STON2: variants seen among roughly 807,000 people sequenced by gnomAD.
STON2 encodes stonin 2, also known as stonin-2.
Under a neutral mutation model 65.7 loss-of-function variants are expected in STON2, and 29 were observed. The observed-to-expected ratio is 0.44, with a 90% CI of 0.33 to 0.60. The LOEUF is 0.60. STON2 is among the 20% of genes least tolerant of loss of function. The pLI is 0.03. For synonymous variants in STON2, 404 were observed against 414.2 expected, an observed-to-expected ratio of 0.98 and a Z score of 0.30; for missense variants, 1,054 against 1,118.1, an observed-to-expected ratio of 0.94 and a Z score of 0.82.
chr14:81,350,677 G>A (rs1436212703), intron 4 of STON2, among the ~76,000 whole-genome samples: 1 of 152,064 alleles, frequency 6.6e-6, no homozygotes, highest in East Asian at 1.9e-4. Context: ...AATCTCTTAA[G>A]TTTCTTCTAA....
chr14:81,384,545 C>T (rs915162121), intron 3 of STON2, among the ~76,000 whole-genome samples: 1 of 152,146 alleles, frequency 6.6e-6, no homozygotes, highest in Non-Finnish European at 1.5e-5. Context: ...CCCTAACACA[C>T]TTATATTTAC....
chr14:81,369,228 G>T (rs761616292), intron 4 of STON2, among the ~76,000 whole-genome samples: 41 of 152,114 alleles, frequency 2.7e-4, no homozygotes, highest in Non-Finnish European at 4.9e-4. Flanking sequence ...GGCACCATCT[G>T]CTTCCCGCCA....
chr14:81,433,019 C>A (rs1012661672), intron 1 of STON2, among the ~76,000 whole-genome samples: 1 of 152,250 alleles, frequency 6.6e-6, no homozygotes, highest in Non-Finnish European at 1.5e-5. Context: ...AGGCCCCAGA[C>A]CAGACTGACT....
Position 81,278,589 on chromosome 14 carries a change from C to T in STON2, c.893G>A (p.Ser298Asn), listed in dbSNP as rs1367324943. 1 of 1,604,066 alleles carries T rather than the reference C, an allele frequency of 6.2e-7. No individual in the cohort carries two copies. Among genetic ancestry groups the T allele is most frequent in the East Asian group, 2.2e-5 (1 of 44,794 alleles). ...AGAGGTGACTGGTGGTAAAGGGCAG[C>T]TGACTTCATTGTCATCAAAGGTGAC... is the stretch of plus-strand genomic sequence containing the variant. ...SWVTFDDNEV[S>N]CPLPPVTSPL... The change falls in exon 6 of 8, where the codon AGC becomes AAC. Residue 298 changes from serine (S) to asparagine (N), a missense_variant. By Grantham distance (46) the Ser-to-Asn change is conservative. Transcript: ENST00000614646.
intron 5 of STON2, among the ~76,000 whole-genome samples, chr14:81,294,587 T>C (rs1595305551): frequency 6.6e-6 from 1 of 152,254 alleles, no homozygotes; most frequent in Non-Finnish European, 1.5e-5. Flanking sequence ...TTAATGTATA[T>C]GAAGTATATA....
At chr14:81,304,304 G>A (rs75631582) in intron 5 of STON2, among the ~76,000 whole-genome samples, 12 of 152,258 alleles carry the variant, frequency 7.9e-5, no homozygotes, top group East Asian at 7.7e-4. Flanking sequence ...AGCACTTTAC[G>A]TGGATTATCT....
chr14:81,268,026 T>C lies in STON2; in HGVS notation c.*388A>G. The C allele has an allele frequency of 1.0e-6, 1 of 987,314 alleles. No individual in the cohort carries two copies. Among genetic ancestry groups the C allele is most frequent in the Non-Finnish European group, 1.2e-6 (1 of 831,230 alleles). 61.2% of individuals were successfully genotyped at this position (987,314 alleles called of 1,614,324 possible). ...GCCAGAAAGTTATGCGAGTGACAGATGAACATCAGAAGGCAATCGTGCTAA... is the reference window on the plus strand; with the variant it reads ...GCCAGAAAGTTATGCGAGTGACAGACGAACATCAGAAGGCAATCGTGCTAA... On this transcript the variant is annotated 3_prime_UTR_variant, in exon 8 of 8. Coordinates refer to ENST00000614646, the MANE Select transcript of STON2 (RefSeq NM_001394390.1).
At chr14:81,371,511 C>T (rs1333560333) in intron 3 of STON2, among the ~76,000 whole-genome samples, 1 of 151,736 alleles carries the variant, frequency 6.6e-6, no homozygotes, top group African/African-American at 2.4e-5. Flanking sequence ...CTGGCTAACA[C>T]GGTGAAACCC....
At chr14:81,324,542 T>C (rs749703101) in intron 4 of STON2, among the ~76,000 whole-genome samples, 5 of 152,190 alleles carry the variant, frequency 3.3e-5, no homozygotes, top group Non-Finnish European at 7.3e-5. Flanking sequence ...GAAATGAGAG[T>C]GAAGGGTTAC....
intron 1 of STON2, among the ~76,000 whole-genome samples, chr14:81,428,819 T>C (rs1902105812): frequency 6.6e-6 from 1 of 152,210 alleles, no homozygotes; most frequent in African/African-American, 2.4e-5. Flanking sequence ...AAGTATCCCA[T>C]TTGGTTTTTT....
intron 5 of STON2, among the ~76,000 whole-genome samples, chr14:81,302,199 CCAGCTTACAGCAATACT>C (rs1314013058): frequency 6.6e-6 from 1 of 152,188 alleles, no homozygotes; most frequent in East Asian, 1.9e-4. Flanking sequence ...CCCTCTGTGC[CCAGCTTACAGCAATACT>C]CACTTTAATC....
In STON2 at chr14:81,261,901, G is replaced by C; in HGVS notation, c.*6513C>G. ...GTGTGTGGAAGGCAACTGCAATATA[G>C]AGGATTTGGAAGGTTGTCTGTTTCT... is the stretch of plus-strand genomic sequence containing the variant. On this transcript the variant is annotated 3_prime_UTR_variant, in exon 8 of 8. Transcript: ENST00000614646. 2 of 1,514,946 alleles carry C rather than the reference G, an allele frequency of 1.3e-6. No individual in the cohort carries two copies. Among genetic ancestry groups the C allele is most frequent in the Non-Finnish European group, 1.8e-6 (2 of 1,140,010 alleles). The allele number at this position is 1,514,946 out of a possible 1,614,324, so 93.8% of individuals were successfully genotyped here.
chr14:81,284,621 G>A (rs965358648), intron 5 of STON2, among the ~76,000 whole-genome samples: 14 of 152,224 alleles, frequency 9.2e-5, no homozygotes, highest in Admixed American at 6.5e-4. Context: ...GCTGCAACAA[G>A]TTATCCAAAA....
intron 3 of STON2, among the ~76,000 whole-genome samples, chr14:81,380,293 C>T (rs1021562403): frequency 5.9e-5 from 9 of 152,126 alleles, no homozygotes. Flanking sequence ...AATGAGATAC[C>T]ATCTCACCCC....
intron 5 of STON2, among the ~76,000 whole-genome samples, chr14:81,321,719 G>A (rs747372138): frequency 2.6e-5 from 4 of 152,152 alleles, no homozygotes; most frequent in Non-Finnish European, 4.4e-5. Flanking sequence ...AGAAACCCCA[G>A]GAAGTTCTAA....
At chr14:81,410,032 C>A (rs1595456436) in intron 2 of STON2, among the ~76,000 whole-genome samples, 1 of 152,070 alleles carries the variant, frequency 6.6e-6, no homozygotes, top group Middle Eastern at 3.4e-3. Flanking sequence ...CAGATTAGTT[C>A]ATACAGCTCT....
upstream of STON2, among the ~76,000 whole-genome samples, chr14:81,405,277 C>A (rs1350236325): frequency 6.6e-6 from 1 of 152,044 alleles, no homozygotes; most frequent in South Asian, 2.1e-4. Flanking sequence ...AATTTTGTAT[C>A]TTATTCAGCT....
intron 4 of STON2, among the ~76,000 whole-genome samples, chr14:81,332,464 C>T (rs1897247061): frequency 6.6e-6 from 1 of 152,284 alleles, no homozygotes; most frequent in African/African-American, 2.4e-5. Context: ...TCTTTAAAAA[C>T]CTCTCTTTTG....
chr14:81,423,656 G>A (rs1188454577), intron 2 of STON2, among the ~76,000 whole-genome samples: 4 of 152,170 alleles, frequency 2.6e-5, no homozygotes, highest in African/African-American at 9.7e-5. Context: ...ACAGACGCAT[G>A]GGCATAAAAC....
Sources: gnomAD v4.1 joint callset for allele counts (sites outside exome capture counted in the v4.1 genomes callset) on GRCh38, gnomAD v4.1.1 for gene constraint, MANE v1.5 for transcripts, NCBI Gene and HGNC (gene_info 2026-07-23, HGNC 2026-07-21) for gene names.